MAP3K15: variants seen among roughly 807,000 people sequenced by gnomAD.
MAP3K15 encodes MAPK/ERK kinase kinase 15.
MAP3K15 carries 124 observed loss-of-function variants against 99.5 expected under a neutral mutation model. The observed-to-expected ratio is 1.25, with a 90% CI of 1.08 to 1.45. The LOEUF (loss-of-function observed/expected upper bound fraction) is 1.45. Ranked by LOEUF, MAP3K15 falls within the 40% of genes most tolerant of loss-of-function variation. The pLI is 0.00. For synonymous variants in MAP3K15, 494 were observed against 439.6 expected (o/e 1.12, Z -1.55); for missense variants, 1,242 against 1,079.7 (o/e 1.15, Z -2.11).
intron 3 of MAP3K15, among the ~76,000 whole-genome samples, chrX:19,466,248 C>T (rs994230316): frequency 8.9e-6 from 1 of 112,068 alleles, no homozygotes; most frequent in Non-Finnish European, 1.9e-5. Context: ...ATGCCATTTA[C>T]ATATTCAAAA....
intron 2 of MAP3K15, among the ~76,000 whole-genome samples, chrX:19,487,550 G>A (rs2064337725): frequency 1.8e-5 from 2 of 111,625 alleles, no homozygotes; most frequent in South Asian, 7.4e-4. Flanking sequence ...TAGCCCTGGG[G>A]AAACTATTCT....
chrX:19,471,662 T>G (rs2064208634), intron 3 of MAP3K15, among the ~76,000 whole-genome samples: 1 of 111,852 alleles, frequency 8.9e-6, no homozygotes, highest in Admixed American at 9.5e-5. Flanking sequence ...ATGTGTCAGT[T>G]AACTTTGAAA....
intron 5 of MAP3K15, among the ~76,000 whole-genome samples, chrX:19,457,220 A>G (rs2064099670): frequency 8.9e-6 from 1 of 112,187 alleles, no homozygotes; most frequent in Non-Finnish European, 1.9e-5. Flanking sequence ...AGAAGAACAG[A>G]GAAGGAATCC....
intron 6 of MAP3K15, among the ~76,000 whole-genome samples, chrX:19,455,106 G>T (rs1301824013): frequency 9.0e-6 from 1 of 111,041 alleles, no homozygotes; most frequent in Non-Finnish European, 1.9e-5. Flanking sequence ...TCCTTAGTTT[G>T]TTGGAGAAAA....
At chrX:19,466,083 G>T (rs956469264) in intron 3 of MAP3K15, among the ~76,000 whole-genome samples, 7 of 110,321 alleles carry the variant, frequency 6.3e-5, no homozygotes, top group Non-Finnish European at 1.3e-4. Flanking sequence ...CCTCCCAAAG[G>T]GTTGGGATTA....
At chrX:19,512,139 A>C (rs1209061243) in intron 1 of MAP3K15, among the ~76,000 whole-genome samples, 2 of 110,806 alleles carry the variant, frequency 1.8e-5, no homozygotes, top group African/African-American at 6.6e-5. Flanking sequence ...GGACACAGGG[A>C]GGGGAACATC....
Position 19,470,136 on chromosome X carries a change from G to C in MAP3K15, c.526-5730C>G, listed in dbSNP as rs755936387. Reference sequence around the variant, plus strand: ...TTGCGGCACTATTCACAATAGCAAAGACTTGGAACCAAGCCAAATGTCCAA... The same window carrying C: ...TTGCGGCACTATTCACAATAGCAAACACTTGGAACCAAGCCAAATGTCCAA... On this transcript the variant is annotated intron_variant, in intron 3 of 28. Coordinates refer to ENST00000338883, the MANE Select transcript of MAP3K15 (RefSeq NM_001001671.4). 6.3e-5 allele frequency among the ~76,000 whole-genome samples: 7 copies of C among 111,852 alleles called. 1 individual carries two copies. Among genetic ancestry groups the C allele is most frequent in the Admixed American group, 3.8e-4 (4 of 10,515 alleles).
At chrX:19,389,050 A>G (rs2063509903) in intron 18 of MAP3K15, among the ~76,000 whole-genome samples, 2 of 110,816 alleles carry the variant, frequency 1.8e-5, no homozygotes, top group Non-Finnish European at 3.8e-5. Flanking sequence ...AAAACCCCAC[A>G]TATTGTATTC....
At chrX:19,464,838 CT>C (rs1200601125) in intron 3 of MAP3K15, among the ~76,000 whole-genome samples, 1 of 111,522 alleles carries the variant, frequency 9.0e-6, no homozygotes, top group Non-Finnish European at 1.9e-5. Context: ...CTATTATAAA[CT>C]TTGTGGAATA....
chrX:19,456,835 C>T, intron 6 of MAP3K15, 78 bp downstream of exon 6: 1 of 738,155 alleles, frequency 1.4e-6, no homozygotes. Flanking sequence ...TGGCTCATAC[C>T]CGATGTTGAA....
At chrX:19,371,183 C>T in intron 23 of MAP3K15, 119 bp from the exon 24 acceptor site, 2 of 782,691 alleles carry the variant, frequency 2.6e-6, no homozygotes, top group Non-Finnish European at 3.6e-6. Context: ...TGCAATCAGC[C>T]AGTTCACCCA....
At chrX:19,408,470 T>A (rs1016785900) in intron 12 of MAP3K15, 9 of 141,593 alleles carry the variant, frequency 6.4e-5, no homozygotes, top group Non-Finnish European at 1.3e-4. Context: ...CTGACCAACA[T>A]GGCAAAACCC....
At chrX:19,486,140 T>C (rs1406569513) in intron 3 of MAP3K15, among the ~76,000 whole-genome samples, 1 of 111,208 alleles carries the variant, frequency 9.0e-6, no homozygotes, top group Non-Finnish European at 1.9e-5. Flanking sequence ...ATGGGAGGTA[T>C]TGACTCCAGC....
chrX:19,433,401 T>C (rs1488831439), intron 6 of MAP3K15, among the ~76,000 whole-genome samples: 1 of 110,404 alleles, frequency 9.1e-6, no homozygotes, highest in Non-Finnish European at 1.9e-5. Flanking sequence ...CAAGGAAGAG[T>C]GAATTTTCTT....
chrX:19,395,240 C>T (rs1348953260), intron 15 of MAP3K15, 32 bp from the exon 16 acceptor site: 1 of 1,194,272 alleles, frequency 8.4e-7, no homozygotes, highest in South Asian at 1.8e-5. Context: ...GGGTCACCTG[C>T]CAAATCCCAG....
At chrX:19,455,756 T>A (rs993714955) in intron 6 of MAP3K15, among the ~76,000 whole-genome samples, 4 of 110,136 alleles carry the variant, frequency 3.6e-5, no homozygotes, top group African/African-American at 1.3e-4. Context: ...TTACCTCTAC[T>A]ATGTCTGGGA....
intron 18 of MAP3K15, among the ~76,000 whole-genome samples, chrX:19,386,536 C>A (rs1276544962): frequency 9.0e-6 from 1 of 111,121 alleles, no homozygotes; most frequent in Non-Finnish European, 1.9e-5. Flanking sequence ...CCAAGGTATG[C>A]CCTACCACAC....
chrX:19,459,863 A>G (rs1056646926), intron 5 of MAP3K15, 122 bp downstream of exon 5: 3 of 542,079 alleles, frequency 5.5e-6, no homozygotes, highest in Non-Finnish European at 8.1e-6. Flanking sequence ...AAAAGAAAAC[A>G]AAAAAGAAGA....
At chrX:19,476,741 A>C (rs1353337724) in intron 3 of MAP3K15, among the ~76,000 whole-genome samples, 3 of 112,349 alleles carry the variant, frequency 2.7e-5, no homozygotes, top group Admixed American at 9.4e-5. Flanking sequence ...GTAAACGAAG[A>C]TATCCCTGCT....
Sources: gnomAD v4.1 joint callset for allele counts (sites outside exome capture counted in the v4.1 genomes callset) on GRCh38, gnomAD v4.1.1 for gene constraint, MANE v1.5 for transcripts, NCBI Gene and HGNC (gene_info 2026-07-23, HGNC 2026-07-21) for gene names.